The following AK9 variants were observed in gnomAD, a reference collection of about 807,000 sequenced individuals.
AK9 encodes adenylate kinase domain containing 1.
AK9 carries 191 observed loss-of-function variants against 239.6 expected under a neutral mutation model. The observed-to-expected ratio is 0.80, with a 90% CI of 0.71 to 0.90. The LOEUF (loss-of-function observed/expected upper bound fraction) is 0.90, where lower values mean the gene tolerates loss of function less well. AK9 is among the 40% of genes least tolerant of loss of function. The pLI, the probability that AK9 is intolerant of heterozygous loss-of-function variation, is 0.00. For missense variants in AK9, 1,995 were observed against 2,214.7 expected, an observed-to-expected ratio of 0.90 and a Z score of 1.99; for synonymous variants, 689 against 721.0, an observed-to-expected ratio of 0.96 and a Z score of 0.71.
chr6:109,659,857 G>A (rs1228884248), intron 6 of AK9, among the ~76,000 whole-genome samples: 1 of 152,098 alleles, frequency 6.6e-6, no homozygotes, highest in African/African-American at 2.4e-5. Flanking sequence ...ACAGCTTTAT[G>A]GGTGAGGTGT....
Position 109,564,230 on chromosome 6 carries a change from C to A in AK9, c.2485G>T (p.Glu829Ter), listed in dbSNP as rs1338433926. Residue 829 changes from glutamate (E) to a stop codon, truncating the protein, a stop_gained, in exon 23 of 41, where the codon GAG (glutamate) becomes TAG (stop). Coordinates refer to ENST00000424296, the MANE Select transcript of AK9 (RefSeq NM_001145128.3). LOFTEE classifies it high-confidence loss of function. ...EDSYPDVPEM[E>*]PFKEKIGSFI... ...GAACCAATCTTCTCTTTAAATGGCTCCATTTCGGGAACATCAGGATAAGAG... is the reference window on the plus strand; with the variant it reads ...GAACCAATCTTCTCTTTAAATGGCTACATTTCGGGAACATCAGGATAAGAG... 8.4e-6 allele frequency: 13 copies of A among 1,551,326 alleles called. No individual in the cohort carries two copies. The highest frequency in any genetic ancestry group is 1.1e-5 in the Non-Finnish European group (13 of 1,146,854).
In AK9 at chr6:109,675,734, T is replaced by C; in HGVS notation, c.12A>G (p.Gln4=). The change falls in exon 2 of 41, where the codon CAA becomes CAG. Residue 4 remains glutamine, a synonymous_variant. Transcript: ENST00000424296. The part of the protein sequence containing the change: MTS[Q]EKTEEYPFAD... ...CAAAAGGATACTCTTCTGTCTTCTC[T>C]TGAGAAGTCATGACACAAAATACTA... is the stretch of plus-strand genomic sequence containing the variant. 1 of 1,573,978 alleles carries C rather than the reference T, an allele frequency of 6.4e-7. No individual in the cohort carries two copies. The highest frequency in any genetic ancestry group is 8.6e-7 in the Non-Finnish European group (1 of 1,159,634).
intron 6 of AK9, among the ~76,000 whole-genome samples, chr6:109,661,513 CTT>C (rs1425113491): frequency 1.3e-5 from 2 of 152,210 alleles, no homozygotes; most frequent in Non-Finnish European, 2.9e-5. Context: ...TTGAATCTGT[CTT>C]TTCCTAGGCT....
At chr6:109,513,333 A>C (rs1334118806) in intron 32 of AK9, among the ~76,000 whole-genome samples, 1 of 151,728 alleles carries the variant, frequency 6.6e-6, no homozygotes, top group African/African-American at 2.4e-5. Flanking sequence ...TTTTGACTGT[A>C]TGAACCATAT....
chr6:109,603,993 G>A (rs1792480222), intron 17 of AK9, among the ~76,000 whole-genome samples: 1 of 152,184 alleles, frequency 6.6e-6, no homozygotes, highest in Non-Finnish European at 1.5e-5. Flanking sequence ...GGCTAGGAAA[G>A]GGAATTCCCT....
chr6:109,516,710 C>A, intron 29 of AK9, 68 bp from the exon 30 acceptor site: 2 of 1,329,046 alleles, frequency 1.5e-6, no homozygotes, highest in South Asian at 2.6e-5. Context: ...ATTAACAAAT[C>A]ATCTGGAATA....
chr6:109,526,129 C>G (rs575818205), intron 29 of AK9, among the ~76,000 whole-genome samples: 7 of 152,080 alleles, frequency 4.6e-5, no homozygotes, highest in Admixed American at 3.3e-4. Context: ...CTGGGGCCTA[C>G]TTGAGGGTAG....
intron 40 of AK9, 149 bp downstream of exon 40, chr6:109,493,832 A>C (rs1404685421): frequency 2.9e-6 from 2 of 696,794 alleles, no homozygotes; most frequent in Non-Finnish European, 4.7e-6. Context: ...CATTTTATTT[A>C]AAATATTTGC....
At position 109,659,289 on chromosome 6, in the gene AK9, T is replaced by G. The variant is rs2128315083; in HGVS notation, c.569A>C (p.Glu190Ala). The change falls in exon 7 of 41, where the codon GAA becomes GCA. Residue 190 changes from glutamate to alanine, a missense_variant. Coordinates refer to ENST00000424296, the MANE Select transcript of AK9 (RefSeq NM_001145128.3). ...VIENHRKKKK[E>A]AQKDGKGEEE... ...TTCTCCTTTTCCGTCCTTTTGGGCT[T>G]CTTTCTTCTTTTTCCTATGATTCTC... is the stretch of plus-strand genomic sequence containing the variant. 1.2e-6 allele frequency: 2 copies of G among 1,606,694 alleles called. No individual in the cohort carries two copies. The highest frequency in any genetic ancestry group is 4.5e-5 in the East Asian group (2 of 44,748).
At chr6:109,641,354 T>C (rs1432363126) in intron 10 of AK9, among the ~76,000 whole-genome samples, 164 bp downstream of exon 10, 14 of 143,944 alleles carry the variant, frequency 9.7e-5, no homozygotes, top group African/African-American at 3.5e-4. Flanking sequence ...TCTTTCTTTT[T>C]TTTTTTTTTT....
rs1318632573 is a variant in AK9 at position 109,509,258 on chromosome 6, T to C, written c.4402A>G (p.Lys1468Glu). ...AGTTCATCAGGTGCTGTCATTCCTTTATGAAGATGCCAATTTAACATAAGT... is the reference window on the plus strand; with the variant it reads ...AGTTCATCAGGTGCTGTCATTCCTTCATGAAGATGCCAATTTAACATAAGT... ...LALMLNWHLH[K>E]GMTAPDELAI... Residue 1468 changes from lysine to glutamate, a missense_variant, in exon 33 of 41, where the codon AAA becomes GAA. Coordinates refer to ENST00000424296, the MANE Select transcript of AK9 (RefSeq NM_001145128.3). The C allele has an allele frequency of 1.9e-6, 3 of 1,551,940 alleles. No individual in the cohort carries two copies. Among genetic ancestry groups the C allele is most frequent in the Non-Finnish European group, 2.6e-6 (3 of 1,147,066 alleles).
chr6:109,604,321 C>T (rs1158568818), intron 17 of AK9, among the ~76,000 whole-genome samples: 2 of 152,098 alleles, frequency 1.3e-5, no homozygotes, highest in Non-Finnish European at 2.9e-5. Context: ...TTGACCATTC[C>T]AAATTATTTC....
At chr6:109,567,208 G>C (rs1040672545) in intron 21 of AK9, among the ~76,000 whole-genome samples, 3 of 151,992 alleles carry the variant, frequency 2.0e-5, no homozygotes, top group Non-Finnish European at 4.4e-5. Context: ...AGAAAATAGA[G>C]AAGAATTAAA....
At chr6:109,579,331 T>C in intron 20 of AK9, 1 of 456,684 alleles carries the variant, frequency 2.2e-6, no homozygotes, top group Non-Finnish European at 3.9e-6. Flanking sequence ...CATTTTCCTA[T>C]GAATCCATTA....
Position 109,533,299 on chromosome 6 carries a change from C to T in AK9, c.3522G>A (p.Lys1174=). ...QIEKWKLKQK[K]KLERKKLIKD... The stretch of plus-strand genomic sequence containing the variant: ...TGATCAGTTTCTTCCTTTCTAATTT[C>T]TTCTTTTGTTTTAGTTTCCACTTTT... Residue 1174 remains lysine (K), a synonymous_variant, in exon 28 of 41, where the codon AAG becomes AAA. Coordinates refer to ENST00000424296, the MANE Select transcript of AK9 (RefSeq NM_001145128.3). The T allele has an allele frequency of 6.2e-7, 1 of 1,610,772 alleles. No homozygotes were observed. Among genetic ancestry groups the T allele is most frequent in the Non-Finnish European group, 8.5e-7 (1 of 1,178,868 alleles).
At chr6:109,493,801 A>C (rs1297710959) in intron 40 of AK9, among the ~76,000 whole-genome samples, 180 bp downstream of exon 40, 3 of 152,168 alleles carry the variant, frequency 2.0e-5, no homozygotes. Context: ...CCCTACTTTG[A>C]AAATAGAATT....
chr6:109,641,178 A>AT (rs1396632958), intron 10 of AK9, among the ~76,000 whole-genome samples: 3 of 147,002 alleles, frequency 2.0e-5, no homozygotes, highest in Non-Finnish European at 3.0e-5. Flanking sequence ...TATATATATA[A>AT]TTTTTTTTCA....
chr6:109,669,395 G>T (rs1583511908), intron 5 of AK9, among the ~76,000 whole-genome samples: 3 of 151,996 alleles, frequency 2.0e-5, no homozygotes, highest in Admixed American at 1.3e-4. Flanking sequence ...TCTCCTGCCT[G>T]ACTGCCCTGG....
intron 21 of AK9, among the ~76,000 whole-genome samples, chr6:109,573,015 C>T (rs1787619725): frequency 6.6e-6 from 1 of 152,018 alleles, no homozygotes; most frequent in Admixed American, 6.6e-5. Flanking sequence ...CATTGCACAC[C>T]ATAAAGATGA....
Sources: allele counts gnomAD v4.1 joint callset (sites outside exome capture counted in the v4.1 genomes callset), GRCh38; gene constraint gnomAD v4.1.1; transcripts MANE v1.5; gene names NCBI Gene and HGNC (gene_info 2026-07-23, HGNC 2026-07-21).